DLGAP2: variants seen among roughly 807,000 people sequenced by gnomAD.
DLGAP2 encodes the protein disks large-associated protein 2.
DLGAP2 carries 26 observed loss-of-function variants against 100.3 expected under a neutral mutation model. That is an observed-to-expected ratio of 0.26 (90% CI 0.19 to 0.36). DLGAP2 has a LOEUF of 0.36. Ranked by LOEUF, DLGAP2 falls within the 10% of genes least tolerant of loss-of-function variation. DLGAP2 has a pLI of 1.00. For synonymous variants in DLGAP2, 886 were observed against 630.1 expected, an observed-to-expected ratio of 1.41 and a Z score of -6.08; for missense variants, 1,858 against 1,453.2, an observed-to-expected ratio of 1.28 and a Z score of -4.53.
chr8:1,429,258 G>C (rs1232848657), intron 3 of DLGAP2, among the ~76,000 whole-genome samples: 3 of 152,168 alleles, frequency 2.0e-5, no homozygotes, highest in South Asian at 2.1e-4. Flanking sequence ...GGTGGTTTCT[G>C]ATTGGTAAGG....
intron 1 of DLGAP2, among the ~76,000 whole-genome samples, chr8:841,558 C>A (rs1051462540): frequency 6.6e-6 from 1 of 152,122 alleles, no homozygotes; most frequent in African/African-American, 2.4e-5. Context: ...CCTTGTAAGG[C>A]AGAGCTAGAA....
chr8:1,655,769 C>T (rs1389549244), intron 8 of DLGAP2, among the ~76,000 whole-genome samples: 1 of 152,226 alleles, frequency 6.6e-6, no homozygotes, highest in Non-Finnish European at 1.5e-5. Flanking sequence ...ACCTTGAAGA[C>T]CTGAAGGACC....
At chr8:1,295,035 G>A (rs990829141) in intron 3 of DLGAP2, among the ~76,000 whole-genome samples, 8 of 152,076 alleles carry the variant, frequency 5.3e-5, no homozygotes, top group African/African-American at 1.2e-4. Context: ...GGGTGATATC[G>A]CTGAGCAGAA....
At chr8:841,958 G>T (rs1264435613) in intron 1 of DLGAP2, among the ~76,000 whole-genome samples, 1 of 152,114 alleles carries the variant, frequency 6.6e-6, no homozygotes, top group Admixed American at 6.5e-5. Flanking sequence ...TACATCATGT[G>T]CCTGGCAGTC....
chr8:1,532,474 G>C (rs1446277438), intron 4 of DLGAP2, among the ~76,000 whole-genome samples: 1 of 152,070 alleles, frequency 6.6e-6, no homozygotes, highest in Non-Finnish European at 1.5e-5. Flanking sequence ...CTTTGTTTAA[G>C]AGTATTTTCA....
At position 1,440,011 on chromosome 8, in the gene DLGAP2, T is replaced by C. The variant is rs924295346; in HGVS notation, c.107-61355T>C. Among the ~76,000 whole-genome samples the C allele has an allele frequency of 5.3e-5, 8 of 152,292 alleles. No individual in the cohort carries two copies. The East Asian group carries it at 1.5e-3, about 29-fold the overall frequency. On this transcript the variant is annotated intron_variant, in intron 3 of 14. Coordinates refer to ENST00000637795, the MANE Select transcript of DLGAP2 (RefSeq NM_001346810.2). ...ACCAGAGCCACACTCTAGTAAGTGA[T>C]AGAGTGAGGATGTAAAGATACAGAT...
At chr8:998,085 C>CA (rs1800837207) in intron 2 of DLGAP2, among the ~76,000 whole-genome samples, 1 of 151,390 alleles carries the variant, frequency 6.6e-6, no homozygotes, top group Non-Finnish European at 1.5e-5. Context: ...GTGCACACAC[C>CA]CGTGTCTGCA....
In DLGAP2 at chr8:787,448, G is replaced by T. The variant is rs141434797; in HGVS notation, c.18+49623G>T. Among the ~76,000 whole-genome samples, 992 of 152,336 alleles carry T rather than the reference G, an allele frequency of 6.5e-3. 8 individuals carry two copies. The highest frequency in any genetic ancestry group is 0.023 in the African/African-American group (949 of 41,574). ...ACTTCTCTCCGCTTCTCCAAAGAGA[G>T]CGCCCTTCTCCACGCCTGTGCCTGT... On this transcript the variant is annotated intron_variant, in intron 1 of 14. Coordinates refer to ENST00000637795, the MANE Select transcript of DLGAP2 (RefSeq NM_001346810.2).
chr8:859,090 A>G (rs10088235), intron 1 of DLGAP2, among the ~76,000 whole-genome samples: 70,051 of 151,086 alleles, frequency 0.46, 16,935 homozygotes, highest in Admixed American at 0.59. Flanking sequence ...AACCTGAGAC[A>G]TAGACCAGCC....
chr8:1,024,715 C>T lies in DLGAP2; in HGVS notation c.73+116749C>T, dbSNP rs73176538. 4.0e-3 allele frequency among the ~76,000 whole-genome samples: 614 copies of T among 152,294 alleles called. 1 individual carries two copies. The highest frequency in any genetic ancestry group is 7.6e-3 in the Non-Finnish European group (514 of 68,022). The stretch of plus-strand genomic sequence containing the variant: ...TCTCTGCTCGTGAAGAACTCACAGG[C>T]GCTTCAGCAGGGCTGGGTCACGGTC... On this transcript the variant is annotated intron_variant, in intron 2 of 14. Transcript: ENST00000637795.
At chr8:751,984 C>T (rs2132574844) in intron 1 of DLGAP2, among the ~76,000 whole-genome samples, 1 of 152,320 alleles carries the variant, frequency 6.6e-6, no homozygotes, top group Middle Eastern at 3.4e-3. Context: ...TTTTCAGGCC[C>T]ATTTTTTTTC....
At chr8:1,094,712 G>A (rs1804308175) in intron 2 of DLGAP2, among the ~76,000 whole-genome samples, 1 of 152,210 alleles carries the variant, frequency 6.6e-6, no homozygotes, top group African/African-American at 2.4e-5. Context: ...CACAAGAGTG[G>A]CTGGACAAGC....
At chr8:1,538,617 C>A (rs968690348) in intron 4 of DLGAP2, among the ~76,000 whole-genome samples, 2 of 152,160 alleles carry the variant, frequency 1.3e-5, no homozygotes, top group African/African-American at 2.4e-5. Context: ...CCTCCTCCCC[C>A]GCTCCCATGC....
chr8:1,699,275 T>G (rs1799502323), intron 14 of DLGAP2, among the ~76,000 whole-genome samples: 1 of 152,072 alleles, frequency 6.6e-6, no homozygotes, highest in Non-Finnish European at 1.5e-5. Context: ...ATCAAGACCA[T>G]CCTGGCTAAC....
intron 2 of DLGAP2, among the ~76,000 whole-genome samples, chr8:943,940 A>G (rs1277379200): frequency 6.6e-6 from 1 of 152,270 alleles, no homozygotes; most frequent in African/African-American, 2.4e-5. Context: ...TGAATCTGTC[A>G]GTGTTGAAGA....
intron 2 of DLGAP2, among the ~76,000 whole-genome samples, chr8:1,179,016 T>C (rs1437147337): frequency 2.0e-5 from 3 of 152,260 alleles, no homozygotes; most frequent in Non-Finnish European, 4.4e-5. Flanking sequence ...GAGCCCCTGC[T>C]GTAAAACTCC....
intron 8 of DLGAP2, among the ~76,000 whole-genome samples, chr8:1,660,412 T>G (rs1798382626): frequency 6.6e-6 from 1 of 152,228 alleles, no homozygotes; most frequent in Non-Finnish European, 1.5e-5. Context: ...AGGGATTATA[T>G]TATATGCATA....
At chr8:782,184 A>AG (rs1367623741) in intron 1 of DLGAP2, among the ~76,000 whole-genome samples, 1 of 152,144 alleles carries the variant, frequency 6.6e-6, no homozygotes, top group Non-Finnish European at 1.5e-5. Flanking sequence ...CCAGATATGC[A>AG]CATTTATTAT....
intron 4 of DLGAP2, among the ~76,000 whole-genome samples, chr8:1,507,968 G>T (rs1185807917): frequency 6.6e-6 from 1 of 151,956 alleles, no homozygotes; most frequent in East Asian, 1.9e-4. Flanking sequence ...CAAACACGTG[G>T]TCACATGAAA....
Sources: allele counts gnomAD v4.1 joint callset (sites outside exome capture counted in the v4.1 genomes callset), GRCh38; gene constraint gnomAD v4.1.1; transcripts MANE v1.5; gene names NCBI Gene and HGNC (gene_info 2026-07-23, HGNC 2026-07-21).